The following EMP2 variants were observed in gnomAD, a reference collection of about 807,000 sequenced individuals.
EMP2 encodes the protein epithelial membrane protein 2.
A neutral mutation model predicts 13.7 loss-of-function variants in EMP2; 19 were observed. The ratio of observed to expected loss-of-function variants is 1.38; its 90% CI spans 0.97 to 2.03. The LOEUF is 2.03. Ranked by LOEUF, EMP2 falls within the 30% of genes most tolerant of loss-of-function variation. EMP2 has a pLI of 0.00. For synonymous variants in EMP2, 97 were observed against 84.7 expected (o/e 1.15, Z -0.80); for missense variants, 253 against 220.7 (o/e 1.15, Z -0.93).
At chr16:10,570,778 C>T (rs1049851940) in intron 1 of EMP2, among the ~76,000 whole-genome samples, 2 of 151,858 alleles carry the variant, frequency 1.3e-5, no homozygotes, top group Admixed American at 6.6e-5. Flanking sequence ...TGGCCTGAAG[C>T]GATCCTCCTG....
At chr16:10,542,906 C>T (rs971672023) in intron 3 of EMP2, among the ~76,000 whole-genome samples, 1 of 152,216 alleles carries the variant, frequency 6.6e-6, no homozygotes, top group Non-Finnish European at 1.5e-5. Context: ...AGCGCAGTGG[C>T]GTGATCTCGG....
chr16:10,561,604 A>G (rs901869247), intron 1 of EMP2, among the ~76,000 whole-genome samples: 1 of 152,190 alleles, frequency 6.6e-6, no homozygotes, highest in Non-Finnish European at 1.5e-5. Flanking sequence ...TGGCAACCAC[A>G]GTTTTAGGGA....
In EMP2 at chr16:10,568,856, G is replaced by T. The variant is rs1176865349; in HGVS notation, c.-61+11693C>A. 3.7e-5 allele frequency among the ~76,000 whole-genome samples: 5 copies of T among 135,016 alleles called. No homozygotes were observed. In the Admixed American group the frequency reaches 4.2e-4, roughly 11 times the overall value. 88.6% of individuals were successfully genotyped at this position (135,016 alleles called of 152,430 possible). A position where few individuals can be genotyped will look rare whatever the true frequency, so the allele number is the denominator to read the frequency against. On this transcript the variant is annotated intron_variant, in intron 1 of 4. Transcript: ENST00000359543. ...AGCTGGAGTACAGTGGCGCAATGTCGGCTCACTGCAACCTCTGCCTCCCGG... is the reference window on the plus strand; with the variant it reads ...AGCTGGAGTACAGTGGCGCAATGTCTGCTCACTGCAACCTCTGCCTCCCGG...
chr16:10,553,751 T>A (rs897340184), intron 1 of EMP2, among the ~76,000 whole-genome samples: 1 of 152,272 alleles, frequency 6.6e-6, no homozygotes, highest in Non-Finnish European at 1.5e-5. Context: ...TTTACTTAAC[T>A]GGTTCCCTAT....
At chr16:10,558,072 C>T (rs2142195756) in intron 1 of EMP2, among the ~76,000 whole-genome samples, 1 of 151,652 alleles carries the variant, frequency 6.6e-6, no homozygotes, top group East Asian at 1.9e-4. Context: ...CTCTGTTGCC[C>T]AGGCTGGAGT....
At chr16:10,534,717 G>A (rs2050634173) in intron 4 of EMP2, among the ~76,000 whole-genome samples, 1 of 152,224 alleles carries the variant, frequency 6.6e-6, no homozygotes, top group African/African-American at 2.4e-5. Flanking sequence ...AGCGAGCCAA[G>A]GTCGCACCCC....
chr16:10,547,350 G>T, intron 2 of EMP2, 190 bp downstream of exon 2: 1 of 589,234 alleles, frequency 1.7e-6, no homozygotes, highest in Non-Finnish European at 2.9e-6. Flanking sequence ...ATGTGGCTTT[G>T]CTCCTCCTTT....
At chr16:10,569,349 T>C (rs1299495224) in intron 1 of EMP2, among the ~76,000 whole-genome samples, 2 of 152,236 alleles carry the variant, frequency 1.3e-5, no homozygotes. Flanking sequence ...TTTTTTGTTT[T>C]TAAAACAGGG....
chr16:10,579,708 G>GCACGCACACACA lies in EMP2; in HGVS notation c.-61+840_-61+841insTGTGTGTGCGTG, dbSNP rs1555461492. Among the ~76,000 whole-genome samples the GCACGCACACACA allele has an allele frequency of 8.8e-4, 129 of 146,780 alleles. 1 individual carries two copies. The highest frequency in any genetic ancestry group is 3.5e-3 in the Middle Eastern group (1 of 288). ...CACAGCTGAATTATAAGATCAAGGT[G>GCACGCACACACA]CACACACACACACACACACACACAC... On this transcript the variant is annotated intron_variant, in intron 1 of 4. Transcript: ENST00000359543.
At position 10,529,288 on chromosome 16, in the gene EMP2, T is replaced by C. The variant is rs1420968483; in HGVS notation, c.*3617A>G. 6.6e-6 allele frequency: 1 copy of C among 152,252 alleles called. No individual in the cohort carries two copies. The highest frequency in any genetic ancestry group is 1.5e-5 in the Non-Finnish European group (1 of 68,046). 9.4% of individuals were successfully genotyped at this position (152,252 alleles called of 1,614,324 possible). ...TTTTGTTGTTGTTATTGTTCTTGAATAACTGGTAATAAGCACCAAGTGAGG... is the reference window on the plus strand; with the variant it reads ...TTTTGTTGTTGTTATTGTTCTTGAACAACTGGTAATAAGCACCAAGTGAGG... On this transcript the variant is annotated 3_prime_UTR_variant, in exon 5 of 5. Transcript: ENST00000359543.
At chr16:10,549,883 CTT>C (rs59259895) in intron 1 of EMP2, among the ~76,000 whole-genome samples, 6,543 of 111,328 alleles carry the variant, frequency 0.059, 43 homozygotes, top group African/African-American at 0.099. Flanking sequence ...TTTTCTTTTT[CTT>C]TTTTTTTTTT....
At chr16:10,548,902 T>C (rs1225902544) in intron 1 of EMP2, among the ~76,000 whole-genome samples, 2 of 152,110 alleles carry the variant, frequency 1.3e-5, no homozygotes, top group Admixed American at 1.3e-4. Flanking sequence ...GGGGAACTCA[T>C]TACTAATAGG....
At chr16:10,561,952 C>T (rs2050874242) in intron 1 of EMP2, among the ~76,000 whole-genome samples, 1 of 152,166 alleles carries the variant, frequency 6.6e-6, no homozygotes, top group Non-Finnish European at 1.5e-5. Flanking sequence ...ATGGAGGAAA[C>T]TCCAGGCCCA....
At chr16:10,562,200 A>G (rs1250447885) in intron 1 of EMP2, among the ~76,000 whole-genome samples, 1 of 152,178 alleles carries the variant, frequency 6.6e-6, no homozygotes, top group Non-Finnish European at 1.5e-5. Context: ...AAATCCTCCC[A>G]TCAAGAGGTA....
chr16:10,575,601 A>C (rs1303993087), intron 1 of EMP2, among the ~76,000 whole-genome samples: 3 of 152,036 alleles, frequency 2.0e-5, no homozygotes, highest in Non-Finnish European at 4.4e-5. Flanking sequence ...GAAGACAGGA[A>C]AATTCCCCAC....
intron 1 of EMP2, among the ~76,000 whole-genome samples, chr16:10,574,524 C>T (rs528383298): frequency 6.6e-6 from 1 of 152,020 alleles, no homozygotes; most frequent in Non-Finnish European, 1.5e-5. Flanking sequence ...CCAGCAGGGT[C>T]CCTGCTCGCA....
chr16:10,542,755 A>AT (rs1391389730), intron 3 of EMP2, among the ~76,000 whole-genome samples: 2 of 152,228 alleles, frequency 1.3e-5, no homozygotes, highest in African/African-American at 2.4e-5. Flanking sequence ...CAAAGGCATC[A>AT]TTATTACTTC....
At chr16:10,566,038 C>T (rs1466915491) in intron 1 of EMP2, among the ~76,000 whole-genome samples, 1 of 152,208 alleles carries the variant, frequency 6.6e-6, no homozygotes, top group Non-Finnish European at 1.5e-5. Flanking sequence ...CACCCCCAGC[C>T]TCTGCCTGGA....
chr16:10,564,615 G>C (rs554331185), intron 1 of EMP2, among the ~76,000 whole-genome samples: 28 of 151,650 alleles, frequency 1.8e-4, no homozygotes, highest in Admixed American at 1.2e-3. Context: ...CACCAGCATC[G>C]TAGTCAAGGA....
Sources: gnomAD v4.1 joint callset for allele counts (sites outside exome capture counted in the v4.1 genomes callset) on GRCh38, gnomAD v4.1.1 for gene constraint, MANE v1.5 for transcripts, NCBI Gene and HGNC (gene_info 2026-07-23, HGNC 2026-07-21) for gene names.